Variants in FRMD5 observed in about 807,000 individuals in gnomAD.
FRMD5 encodes FERM domain containing 5, also known as FERM domain-containing protein 5.
Under a neutral mutation model 69.0 loss-of-function variants are expected in FRMD5, and 20 were observed. The ratio of observed to expected loss-of-function variants is 0.29; its 90% confidence interval spans 0.20 to 0.42. The LOEUF (loss-of-function observed/expected upper bound fraction) is 0.42, where lower values mean the gene tolerates loss of function less well. Ranked by LOEUF, FRMD5 falls within the 10% of genes least tolerant of loss-of-function variation. The probability of loss-of-function intolerance (pLI) is 1.00; values close to 1 mark genes in which losing one functional copy is unlikely to be tolerated. For missense variants in FRMD5, 595 were observed against 708.6 expected (o/e 0.84, Z 1.82); for synonymous variants, 271 against 260.1 (o/e 1.04, Z -0.40).
rs972081035 is a variant in FRMD5 at position 44,195,072 on chromosome 15, C to A, written c.-18G>T. The A allele has an allele frequency of 5.3e-6, 8 of 1,505,948 alleles. No individual in the cohort carries two copies. The highest frequency in any genetic ancestry group is 4.1e-5 in the Admixed American group (2 of 48,522). 93.3% of individuals were successfully genotyped at this position (1,505,948 alleles called of 1,614,324 possible). On this transcript the variant is annotated 5_prime_UTR_variant, in exon 1 of 14. Transcript: ENST00000417257. ...CTCAGCATCTTCCCGCCCGCCCGCCCGGGAGCGACGCGGCGGCGCTGCGGA... is the reference window on the plus strand; with the variant it reads ...CTCAGCATCTTCCCGCCCGCCCGCCAGGGAGCGACGCGGCGGCGCTGCGGA...
chr15:44,039,679 T>C (rs1024817880), intron 1 of FRMD5, among the ~76,000 whole-genome samples: 8 of 152,072 alleles, frequency 5.3e-5, no homozygotes, highest in Non-Finnish European at 1.5e-5. Flanking sequence ...GGGCACCGAC[T>C]TCAAAGACCA....
Position 43,874,106 on chromosome 15 carries a change from C to A in FRMD5, c.1492G>T (p.Val498Phe), listed in dbSNP as rs764983498. Residue 498 changes from valine to phenylalanine, a missense_variant, in exon 14 of 14, where the codon GTT (valine) becomes TTT (phenylalanine). By Grantham distance (50) the Val-to-Phe change is conservative (BLOSUM62 -1). Transcript: ENST00000417257. ...AGGAGCAAACGGAGGACACTTAGAA[C>A]AAACTTATTCACCTGTTCCTCCTCG... The part of the protein sequence containing the change: ...GPEEEQVNKF[V>F]LSVLRLLLVT... 23 of 1,614,098 alleles carry A rather than the reference C, an allele frequency of 1.4e-5. No homozygotes were observed. Among genetic ancestry groups the A allele is most frequent in the Non-Finnish European group, 1.9e-5 (22 of 1,180,042 alleles).
intron 1 of FRMD5, among the ~76,000 whole-genome samples, chr15:44,016,027 C>A (rs1890941195): frequency 1.3e-5 from 2 of 152,184 alleles, no homozygotes; most frequent in Non-Finnish European, 2.9e-5. Flanking sequence ...CAGAAAAAGA[C>A]TAACACCTTG....
chr15:44,032,343 T>C (rs1425263938), intron 1 of FRMD5, among the ~76,000 whole-genome samples: 2 of 151,982 alleles, frequency 1.3e-5, no homozygotes, highest in African/African-American at 4.8e-5. Flanking sequence ...AAAGCAAAAA[T>C]TGACAAGTGG....
rs755317411 is a variant in FRMD5 at position 43,919,510 on chromosome 15, C to T, written c.278G>A (p.Arg93His). 5.0e-6 allele frequency: 8 copies of T among 1,613,860 alleles called. No homozygotes were observed. Among genetic ancestry groups the T allele is most frequent in the Admixed American group, 1.7e-5 (1 of 59,972 alleles). The change falls in exon 4 of 14, where the codon CGT becomes CAT. Residue 93 changes from arginine to histidine, a missense_variant. Around this residue, in one of 5 missense-constraint regions of FRMD5, gnomAD observed 79 missense variants for 139.9 expected, o/e 0.56. Coordinates refer to ENST00000417257, the MANE Select transcript of FRMD5 (RefSeq NM_032892.5). ...RSQPPFTMCFRVKFYPADPAA... is the reference protein window; with the variant it reads ...RSQPPFTMCFHVKFYPADPAA... ...AGGGTCTGCAGGATAAAACTTCACA[C>T]GGAAGCACATGGTGAATGGAGGCTG...
intron 1 of FRMD5, among the ~76,000 whole-genome samples, chr15:44,030,333 A>C (rs915361214): frequency 5.3e-5 from 8 of 151,950 alleles, no homozygotes; most frequent in Non-Finnish European, 1.2e-4. Flanking sequence ...TCACAAAGCC[A>C]CTCCATTTAT....
chr15:44,015,478 T>A (rs1357375126), intron 1 of FRMD5, among the ~76,000 whole-genome samples: 1 of 152,182 alleles, frequency 6.6e-6, no homozygotes, highest in African/African-American at 2.4e-5. Flanking sequence ...CTTCTAATAA[T>A]GAGAAGAATA....
chr15:43,997,264 C>G (rs1680673031), intron 1 of FRMD5, among the ~76,000 whole-genome samples: 2 of 152,198 alleles, frequency 1.3e-5, no homozygotes, highest in South Asian at 4.1e-4. Context: ...CATCTTTGCT[C>G]TACCTCTCTA....
In FRMD5 at chr15:43,871,545, A is replaced by C. The variant is rs1046814685; in HGVS notation, c.*2340T>G. ...CCCCCTGTCTCCTGACAGCCTTTTC[A>C]TCTCTGGGTCTACTTTTCACGTTAG... On this transcript the variant is annotated 3_prime_UTR_variant, in exon 14 of 14. Coordinates refer to ENST00000417257, the MANE Select transcript of FRMD5 (RefSeq NM_032892.5). 2 of 152,188 alleles carry C rather than the reference A, an allele frequency of 1.3e-5. No individual in the cohort carries two copies. Among genetic ancestry groups the C allele is most frequent in the African/African-American group, 4.8e-5 (2 of 41,448 alleles). The allele number at this position is 152,188 out of a possible 1,614,324, so 9.4% of individuals were successfully genotyped here.
At chr15:44,035,087 T>C (rs1280273069) in intron 1 of FRMD5, among the ~76,000 whole-genome samples, 2 of 152,200 alleles carry the variant, frequency 1.3e-5, no homozygotes, top group Non-Finnish European at 2.9e-5. Context: ...ATTTAAAATT[T>C]CTGATGTAGC....
chr15:44,131,102 G>C (rs990373398), intron 1 of FRMD5, among the ~76,000 whole-genome samples: 1 of 152,070 alleles, frequency 6.6e-6, no homozygotes, highest in African/African-American at 2.4e-5. Flanking sequence ...GCCAAGGTTA[G>C]TGCTATCCAC....
rs149681048 is a variant in FRMD5 at position 44,100,339 on chromosome 15, G to A, written c.102+94614C>T. ...CCCGAAGTGCTGGGATTACAGGCATGAGCCATCGTGCCAGGCCAACTAATA... is the reference window on the plus strand; with the variant it reads ...CCCGAAGTGCTGGGATTACAGGCATAAGCCATCGTGCCAGGCCAACTAATA... On this transcript the variant is annotated intron_variant, in intron 1 of 13. Coordinates refer to ENST00000417257, the MANE Select transcript of FRMD5 (RefSeq NM_032892.5). Among the ~76,000 whole-genome samples, 412 of 152,022 alleles carry A rather than the reference G, an allele frequency of 2.7e-3. 3 individuals carry two copies. The highest frequency in any genetic ancestry group is 9.5e-3 in the African/African-American group (392 of 41,434).
rs1037294156 is a variant in FRMD5 at position 44,129,713 on chromosome 15, G to A, written c.102+65240C>T. ...TTTTAGAGTGAAGCTTCTAACAGCC[G>A]TCCACATCACAAAAATGACCTAACT... On this transcript the variant is annotated intron_variant, in intron 1 of 13. Coordinates refer to ENST00000417257, the MANE Select transcript of FRMD5 (RefSeq NM_032892.5). 3.0e-4 allele frequency among the ~76,000 whole-genome samples: 45 copies of A among 152,122 alleles called. 1 individual carries two copies. The highest frequency in any genetic ancestry group is 1.5e-3 in the South Asian group (7 of 4,814).
intron 1 of FRMD5, among the ~76,000 whole-genome samples, chr15:44,174,275 T>G (rs560593750): frequency 6.6e-6 from 1 of 152,146 alleles, no homozygotes; most frequent in Admixed American, 6.5e-5. Context: ...TGAATTTTTC[T>G]TATTAAAAAA....
intron 1 of FRMD5, among the ~76,000 whole-genome samples, chr15:43,939,610 T>G (rs924919404): frequency 1.4e-4 from 22 of 151,878 alleles, no homozygotes; most frequent in Non-Finnish European, 2.9e-5. Context: ...CAGGCTGGAG[T>G]GTCGTGGCAC....
intron 1 of FRMD5, among the ~76,000 whole-genome samples, chr15:44,191,890 TAA>T: frequency 8.3e-5 from 2 of 24,042 alleles, no homozygotes; most frequent in Non-Finnish European, 1.6e-4. Flanking sequence ...ATAAATGTGG[TAA>T]ATATATATAT....
intron 1 of FRMD5, among the ~76,000 whole-genome samples, chr15:44,125,050 C>G (rs564358567): frequency 5.3e-5 from 8 of 151,970 alleles, no homozygotes; most frequent in Non-Finnish European, 1.0e-4. Context: ...GTCCTTTTTT[C>G]TTTGAAGTTA....
At chr15:44,162,692 A>T (rs1023268376) in intron 1 of FRMD5, among the ~76,000 whole-genome samples, 1 of 149,864 alleles carries the variant, frequency 6.7e-6, no homozygotes, top group Non-Finnish European at 1.5e-5. Context: ...ACATGGAGAA[A>T]CTCCGACTCT....
chr15:44,010,710 C>G (rs952288529), intron 1 of FRMD5, among the ~76,000 whole-genome samples: 1 of 152,026 alleles, frequency 6.6e-6, no homozygotes, highest in Non-Finnish European at 1.5e-5. Context: ...CTAAACCAGA[C>G]CTACAAATGA....
Sources: allele counts gnomAD v4.1 joint callset (sites outside exome capture counted in the v4.1 genomes callset), GRCh38; gene constraint gnomAD v4.1.1; regional missense constraint gnomAD v4.1.1; transcripts MANE v1.5; gene names NCBI Gene and HGNC (gene_info 2026-07-23, HGNC 2026-07-21).